The following C1orf141 variants were observed in gnomAD, a reference collection of about 807,000 sequenced individuals.
The protein encoded by C1orf141 is uncharacterized protein C1orf141.
In C1orf141, 19 loss-of-function variants were observed where a neutral mutation model predicts 23.2. That is an observed-to-expected ratio of 0.82 (90% CI 0.57 to 1.20). C1orf141 has a LOEUF of 1.20. Ranked by LOEUF, C1orf141 falls within the 50% of genes most tolerant of loss-of-function variation. The pLI is 0.00. For synonymous variants in C1orf141, 153 were observed against 154.6 expected, an observed-to-expected ratio of 0.99 and a Z score of 0.08; for missense variants, 469 against 455.1, an observed-to-expected ratio of 1.03 and a Z score of -0.28.
intron 3 of C1orf141, among the ~76,000 whole-genome samples, chr1:67,126,641 C>G (rs1308361470): frequency 1.3e-5 from 2 of 152,168 alleles, no homozygotes; most frequent in Non-Finnish European, 2.9e-5. Context: ...CAGAGTAGGA[C>G]AGATCGCTGA....
At position 67,092,786 on chromosome 1, in the gene C1orf141, T is replaced by G. The variant is rs139637982; in HGVS notation, c.*219A>C. On this transcript the variant is annotated 3_prime_UTR_variant, in exon 8 of 8. Coordinates refer to ENST00000684719, the MANE Select transcript of C1orf141 (RefSeq NM_001276351.2). ...AGATAATAGAAAGTCATGAACTAGA[T>G]CCTCTTGGTGATAATTATTTCCTAA... 1.8e-4 allele frequency: 65 copies of G among 358,230 alleles called. No homozygotes were observed. The highest frequency in any genetic ancestry group is 2.0e-4 in the Non-Finnish European group (39 of 197,550). The allele number at this position is 358,230 out of a possible 1,614,324, so 22.2% of individuals were successfully genotyped here.
rs374868457 is a variant in C1orf141, at chr1:67,093,472, T to G, written c.736A>C (p.Ile246Leu). The G allele has an allele frequency of 6.2e-7, 1 of 1,609,504 alleles. No individual in the cohort carries two copies. The change falls in exon 8 of 8, where the codon ATT becomes CTT. Residue 246 changes from isoleucine (I) to leucine (L), a missense_variant. Coordinates refer to ENST00000684719, the MANE Select transcript of C1orf141 (RefSeq NM_001276351.2). ...NIYPHKRTNF[I>L]LERNCEILKS... is the part of the protein sequence containing the mutation. ...AGGATTTCACAATTTCTTTCTAAAA[T>G]GAAATTTGTTCTTTTATGTGGGTAA... is the stretch of plus-strand genomic sequence containing the variant.
At chr1:67,127,656 A>T (rs1646442046) in intron 2 of C1orf141, among the ~76,000 whole-genome samples, 1 of 152,068 alleles carries the variant, frequency 6.6e-6, no homozygotes. Context: ...TGTTGTTGAG[A>T]CAGAGTCTTA....
intron 5 of C1orf141, among the ~76,000 whole-genome samples, chr1:67,113,254 ACAGGTGTGAAC>A (rs1646117084): frequency 6.6e-6 from 1 of 152,166 alleles, no homozygotes; most frequent in Admixed American, 6.5e-5. Context: ...ATCTGGGATT[ACAGGTGTGAAC>A]CACCCTGCCT....
At chr1:67,112,279 T>G (rs1646089707) in intron 5 of C1orf141, among the ~76,000 whole-genome samples, 1 of 152,240 alleles carries the variant, frequency 6.6e-6, no homozygotes. Flanking sequence ...ATACGGAGTC[T>G]GGTAGTCATT....
At chr1:67,105,881 GA>G (rs1420426996) in intron 5 of C1orf141, among the ~76,000 whole-genome samples, 2 of 152,208 alleles carry the variant, frequency 1.3e-5, no homozygotes. Context: ...AGAAGAACCA[GA>G]AGACAAAGTT....
Position 67,093,387 on chromosome 1 carries a change from G to A in C1orf141, c.821C>T (p.Thr274Ile). 1 of 1,613,256 alleles carries A rather than the reference G, an allele frequency of 6.2e-7. No homozygotes were observed. Among genetic ancestry groups the A allele is most frequent in the Non-Finnish European group, 8.5e-7 (1 of 1,179,676 alleles). Reference sequence around the variant, plus strand: ...GATCTGTATATCTTTTCTCTGTACTGTAGGCATAGTTTTTTGGGGTTTGAA... The same window carrying A: ...GATCTGTATATCTTTTCTCTGTACTATAGGCATAGTTTTTTGGGGTTTGAA... ...SLFKPQKTMP[T>I]VQRKDIQIPM... Residue 274 changes from threonine (T) to isoleucine (I), a missense_variant, in exon 8 of 8, where the codon ACA becomes ATA. By Grantham distance (89) the Thr-to-Ile change is moderately conservative (BLOSUM62 -1). Around this residue, in one of 3 missense-constraint regions of C1orf141, gnomAD observed 370 missense variants for 348.1 expected, o/e 1.06. Transcript: ENST00000684719.
intron 1 of C1orf141, among the ~76,000 whole-genome samples, chr1:67,141,246 A>G (rs983560896): frequency 6.6e-6 from 1 of 152,200 alleles, no homozygotes; most frequent in African/African-American, 2.4e-5. Context: ...GTGGTAAAGT[A>G]TATCTTGGAA....
chr1:67,136,153 C>T (rs1288263198), upstream of C1orf141, among the ~76,000 whole-genome samples: 2 of 152,130 alleles, frequency 1.3e-5, no homozygotes, highest in African/African-American at 2.4e-5. Flanking sequence ...CCACCTCAGC[C>T]TCCCTAGTAG....
chr1:67,114,635 C>G lies in C1orf141; in HGVS notation c.346+717G>C, dbSNP rs1481133013. On this transcript the variant is annotated intron_variant, in intron 5 of 7. Coordinates refer to ENST00000684719, the MANE Select transcript of C1orf141 (RefSeq NM_001276351.2). ...AGGCAACACGAAAAGCTCAAATTCT[C>G]TGAGAACTGATAATGCTGATTCCTA... 3.3e-5 allele frequency among the ~76,000 whole-genome samples: 5 copies of G among 152,160 alleles called. No homozygotes were observed. In the East Asian group the frequency reaches 7.7e-4, roughly 23 times the overall value.
At chr1:67,097,756 A>G (rs1645715062) in intron 5 of C1orf141, among the ~76,000 whole-genome samples, 1 of 152,084 alleles carries the variant, frequency 6.6e-6, no homozygotes, top group East Asian at 1.9e-4. Flanking sequence ...GTAACCAATT[A>G]GGAGGCTGTT....
chr1:67,104,237 G>A (rs1452090744), intron 5 of C1orf141, among the ~76,000 whole-genome samples: 1 of 152,086 alleles, frequency 6.6e-6, no homozygotes, highest in Non-Finnish European at 1.5e-5. Flanking sequence ...AGAATAGACA[G>A]GAAAGATTTC....
At chr1:67,122,238 T>C (rs982690702) in intron 4 of C1orf141, 1 of 152,234 alleles carries the variant, frequency 6.6e-6, no homozygotes, top group African/African-American at 2.4e-5. Context: ...GGTTTCACCA[T>C]GTTGGCCAGG....
intron 5 of C1orf141, chr1:67,103,229 T>C (rs1470915364): frequency 7.3e-7 from 1 of 1,372,026 alleles, no homozygotes; most frequent in Non-Finnish European, 9.7e-7. Flanking sequence ...AAACATGCAA[T>C]TTGTATACCT....
In C1orf141 at chr1:67,106,745, A is replaced by G. The variant is rs192117969; in HGVS notation, c.346+8607T>C. Among the ~76,000 whole-genome samples the G allele has an allele frequency of 5.3e-5, 8 of 152,316 alleles. No homozygotes were observed. The East Asian group carries it at 1.5e-3, about 29-fold the overall frequency. ...AATATGTTCAAAGTAAAGGAAAAACATAGGGAATCTTACCGGAGAAACAGA... is the reference window on the plus strand; with the variant it reads ...AATATGTTCAAAGTAAAGGAAAAACGTAGGGAATCTTACCGGAGAAACAGA... On this transcript the variant is annotated intron_variant, in intron 5 of 7. Coordinates refer to ENST00000684719, the MANE Select transcript of C1orf141 (RefSeq NM_001276351.2).
chr1:67,115,833 G>T (rs17129663), intron 4 of C1orf141, among the ~76,000 whole-genome samples: 16,418 of 152,150 alleles, frequency 0.11, 961 homozygotes, highest in African/African-American at 0.15. Context: ...AGGGAATTCA[G>T]GTACTAGAAA....
chr1:67,099,340 T>C (rs946776014), intron 5 of C1orf141, among the ~76,000 whole-genome samples: 3 of 152,200 alleles, frequency 2.0e-5, no homozygotes, highest in Non-Finnish European at 4.4e-5. Context: ...ATTTACAGTG[T>C]AGACATTTAC....
At position 67,093,091 on chromosome 1, in the gene C1orf141, G is replaced by A; in HGVS notation, c.1117C>T (p.Pro373Ser). ...TTTAGTTCATATATATATTTAAAAGGCTTTGAGTAACATTTGACAGGTAAG... is the reference window on the plus strand; with the variant it reads ...TTTAGTTCATATATATATTTAAAAGACTTTGAGTAACATTTGACAGGTAAG... ...SALPVKCYSKPFKYIYELNNV... is the reference protein window; with the variant it reads ...SALPVKCYSKSFKYIYELNNV... The change falls in exon 8 of 8, where the codon CCT (proline) becomes TCT (serine). Residue 373 changes from proline to serine, a missense_variant. Physicochemically the swap from Pro to Ser is moderately conservative, Grantham distance 74 (BLOSUM62 -1). Transcript: ENST00000684719. 6.2e-7 allele frequency: 1 copy of A among 1,612,206 alleles called. No homozygotes were observed. The highest frequency in any genetic ancestry group is 8.5e-7 in the Non-Finnish European group (1 of 1,178,406).
At chr1:67,132,481 C>T (rs1646532429) in intron 1 of C1orf141, among the ~76,000 whole-genome samples, 2 of 152,118 alleles carry the variant, frequency 1.3e-5, no homozygotes, top group Admixed American at 6.5e-5. Context: ...TGTGATCGTG[C>T]CACTGCACTC....
Sources: gnomAD v4.1 joint callset for allele counts (sites outside exome capture counted in the v4.1 genomes callset) on GRCh38, gnomAD v4.1.1 for gene constraint, gnomAD v4.1.1 regional missense constraint, MANE v1.5 for transcripts, NCBI Gene and HGNC (gene_info 2026-07-23, HGNC 2026-07-21) for gene names.